The following ADGRA3 variants were observed in gnomAD, a reference collection of about 807,000 sequenced individuals.
The protein encoded by ADGRA3 is G-protein coupled receptor 125.
Under a neutral mutation model 119.8 loss-of-function variants are expected in ADGRA3, and 56 were observed. The observed-to-expected ratio is 0.47, with a 90% CI of 0.38 to 0.58. The LOEUF is 0.58. ADGRA3 is among the 20% of genes least tolerant of loss of function. ADGRA3 has a pLI of 0.00. For synonymous variants in ADGRA3, 607 were observed against 623.8 expected, an observed-to-expected ratio of 0.97 and a Z score of 0.40; for missense variants, 1,516 against 1,649.0, an observed-to-expected ratio of 0.92 and a Z score of 1.40.
At chr4:22,490,547 G>A (rs1005002979) in intron 1 of ADGRA3, among the ~76,000 whole-genome samples, 5 of 152,036 alleles carry the variant, frequency 3.3e-5, no homozygotes, top group Non-Finnish European at 7.4e-5. Context: ...TGTGTCCTGG[G>A]AGTGAGAGCA....
intron 1 of ADGRA3, among the ~76,000 whole-genome samples, chr4:22,510,861 GA>G (rs1021354195): frequency 6.6e-6 from 1 of 152,212 alleles, no homozygotes; most frequent in Admixed American, 6.5e-5. Flanking sequence ...ATTACTTAAT[GA>G]GGGATAGTCT....
intron 1 of ADGRA3, among the ~76,000 whole-genome samples, chr4:22,504,664 T>C (rs1029526931): frequency 5.3e-5 from 8 of 151,996 alleles, no homozygotes; most frequent in African/African-American, 1.9e-4. Context: ...TCATCGTCTT[T>C]CCTCTGCTTG....
At chr4:22,443,714 A>C (rs1716715886) in intron 6 of ADGRA3, among the ~76,000 whole-genome samples, 1 of 152,180 alleles carries the variant, frequency 6.6e-6, no homozygotes, top group Non-Finnish European at 1.5e-5. Context: ...ATAAAATATC[A>C]TTAGAGTGTA....
Position 22,442,635 on chromosome 4 carries a change from A to C in ADGRA3, c.920+15T>G, listed in dbSNP as rs1330271177. On this transcript the variant is annotated intron_variant, in intron 7 of 18. Coordinates refer to ENST00000334304, the MANE Select transcript of ADGRA3 (RefSeq NM_145290.4). ...CAGGCACAATTCTTCATTCAAAAAA[A>C]AAAAAAAAGTTTACCTTGCAATCAA... 3 of 1,595,250 alleles carry C rather than the reference A, an allele frequency of 1.9e-6. No individual in the cohort carries two copies. Among genetic ancestry groups the C allele is most frequent in the African/African-American group, 1.4e-5 (1 of 73,884 alleles).
At chr4:22,494,618 A>C (rs999743618) in intron 1 of ADGRA3, among the ~76,000 whole-genome samples, 1 of 151,934 alleles carries the variant, frequency 6.6e-6, no homozygotes, top group Non-Finnish European at 1.5e-5. Context: ...ACTACTACAC[A>C]TATTATCCTA....
At chr4:22,407,332 A>G (rs1185002009) in intron 14 of ADGRA3, among the ~76,000 whole-genome samples, 1 of 152,176 alleles carries the variant, frequency 6.6e-6, no homozygotes, top group Non-Finnish European at 1.5e-5. Flanking sequence ...CCAGGATAGT[A>G]AACAAGTTAA....
At chr4:22,436,316 T>C in intron 9 of ADGRA3, 124 bp downstream of exon 9, 1 of 704,168 alleles carries the variant, frequency 1.4e-6, no homozygotes. Flanking sequence ...TTAAGTCAAC[T>C]AAAGTAAAAA....
At chr4:22,488,463 C>A (rs146280912) in intron 1 of ADGRA3, among the ~76,000 whole-genome samples, 1 of 152,168 alleles carries the variant, frequency 6.6e-6, no homozygotes, top group African/African-American at 2.4e-5. Context: ...TCAGTTGGTG[C>A]CTACAGCACC....
intron 1 of ADGRA3, among the ~76,000 whole-genome samples, chr4:22,474,830 C>T (rs1717981952): frequency 6.6e-6 from 1 of 152,178 alleles, no homozygotes; most frequent in African/African-American, 2.4e-5. Context: ...TCACACACAG[C>T]ATTGCATAAC....
chr4:22,394,380 C>T (rs1450992640), intron 16 of ADGRA3: 5 of 152,124 alleles, frequency 3.3e-5, no homozygotes, highest in South Asian at 2.1e-4. Context: ...CAACTACAAA[C>T]GTCAGAAATG....
chr4:22,502,212 A>C (rs913035540), intron 1 of ADGRA3, among the ~76,000 whole-genome samples: 5 of 152,228 alleles, frequency 3.3e-5, no homozygotes, highest in Admixed American at 2.6e-4. Flanking sequence ...TTTAAGTAGT[A>C]AATACAGTTG....
rs1423547038 is a variant in ADGRA3, at chr4:22,401,564, AAAG to A, written c.2358-13_2358-11del. On this transcript the variant is annotated splice_polypyrimidine_tract_variant and intron_variant, in intron 15 of 18. Coordinates refer to ENST00000334304, the MANE Select transcript of ADGRA3 (RefSeq NM_145290.4). ...GCTGATTCTAATCAAACTGTTTAAA[AAAG>A]AGAGAAAATATTAATATTCAGGCTA... 1 of 1,595,070 alleles carries A rather than the reference AAAG, an allele frequency of 6.3e-7. No homozygotes were observed.
intron 14 of ADGRA3, among the ~76,000 whole-genome samples, chr4:22,403,235 T>C (rs1714746288): frequency 6.6e-6 from 1 of 151,846 alleles, no homozygotes. Context: ...TAACTATCCG[T>C]AGCCAAGTTC....
At position 22,388,301 on chromosome 4, in the gene ADGRA3, G is replaced by C. The variant is rs762262067; in HGVS notation, c.3370C>G (p.Gln1124Glu). Residue 1124 changes from glutamine (Q) to glutamate (E), a missense_variant, in exon 19 of 19, where the codon CAG becomes GAG. By Grantham distance (29) the Gln-to-Glu change is conservative. This residue lies in a region of ADGRA3 where 1,088 missense variants were observed against 1,107.1 expected (regional missense o/e 0.98). Coordinates refer to ENST00000334304, the MANE Select transcript of ADGRA3 (RefSeq NM_145290.4). Reference sequence around the variant, plus strand: ...AAAGGTAAAGAATTGGCATGGCACTGAGCTGCAGCCGCCTGCAAGTTTGTT... The same window carrying C: ...AAAGGTAAAGAATTGGCATGGCACTCAGCTGCAGCCGCCTGCAAGTTTGTT... ...KLTNLQAAAA[Q>E]CHANSLPLNS... 8.1e-6 allele frequency: 13 copies of C among 1,614,076 alleles called. No homozygotes were observed. The highest frequency in any genetic ancestry group is 1.7e-5 in the Admixed American group (1 of 60,008).
chr4:22,469,584 A>G (rs996907985), intron 2 of ADGRA3, among the ~76,000 whole-genome samples: 3 of 152,192 alleles, frequency 2.0e-5, no homozygotes, highest in Admixed American at 6.5e-5. Context: ...TGAGTTCTCA[A>G]TGTCTCCATG....
intron 8 of ADGRA3, among the ~76,000 whole-genome samples, chr4:22,436,991 A>G (rs1716422093): frequency 6.6e-6 from 1 of 152,234 alleles, no homozygotes; most frequent in Non-Finnish European, 1.5e-5. Context: ...ATTGCATAAT[A>G]TCTTAAGGAG....
chr4:22,413,466 T>C, intron 13 of ADGRA3, 76 bp from the exon 14 acceptor site: 1 of 1,401,500 alleles, frequency 7.1e-7, no homozygotes, highest in Non-Finnish European at 1.0e-6. Context: ...TCTACAGTAA[T>C]GGGTACTCTG....
At chr4:22,440,723 A>G (rs1716578445) in intron 7 of ADGRA3, among the ~76,000 whole-genome samples, 1 of 152,182 alleles carries the variant, frequency 6.6e-6, no homozygotes. Context: ...TACATAGAAA[A>G]TGGTTCTACT....
At chr4:22,513,093 A>T (rs925321230) in intron 1 of ADGRA3, among the ~76,000 whole-genome samples, 2 of 151,646 alleles carry the variant, frequency 1.3e-5, no homozygotes, top group Non-Finnish European at 2.9e-5. Context: ...AGACCCCTCT[A>T]CAGGGGGCCT....
Sources: allele counts gnomAD v4.1 joint callset (sites outside exome capture counted in the v4.1 genomes callset), GRCh38; gene constraint gnomAD v4.1.1; regional missense constraint gnomAD v4.1.1; transcripts MANE v1.5; gene names NCBI Gene and HGNC (gene_info 2026-07-23, HGNC 2026-07-21).